The following SLC38A11 variants were observed in gnomAD, a reference collection of about 807,000 sequenced individuals.
SLC38A11 encodes the protein putative sodium-coupled neutral amino acid transporter 11.
SLC38A11 carries 51 observed loss-of-function variants against 49.4 expected under a neutral mutation model. The observed-to-expected ratio is 1.03, with a 90% CI of 0.83 to 1.30. The LOEUF (loss-of-function observed/expected upper bound fraction) is 1.30. Ranked by LOEUF, SLC38A11 falls within the 50% of genes most tolerant of loss-of-function variation. SLC38A11 has a pLI of 0.00. For missense variants in SLC38A11, 574 were observed against 556.2 expected (o/e 1.03, Z -0.32); for synonymous variants, 203 against 192.9 (o/e 1.05, Z -0.43).
intron 3 of SLC38A11, among the ~76,000 whole-genome samples, chr2:164,951,373 A>G (rs929113278): frequency 6.6e-6 from 1 of 151,582 alleles, no homozygotes; most frequent in Non-Finnish European, 1.5e-5. Flanking sequence ...TTTTTTTTTT[A>G]GTGTAATAAA....
chr2:164,917,398 AG>A (rs1343328698), intron 7 of SLC38A11, among the ~76,000 whole-genome samples: 1 of 152,166 alleles, frequency 6.6e-6, no homozygotes, highest in Non-Finnish European at 1.5e-5. Flanking sequence ...ACAGACACAA[AG>A]AAACTTCACA....
At chr2:164,913,902 T>C (rs908508269) in intron 9 of SLC38A11, among the ~76,000 whole-genome samples, 1 of 152,080 alleles carries the variant, frequency 6.6e-6, no homozygotes, top group African/African-American at 2.4e-5. Context: ...AAGCCATCTT[T>C]CTTCATTTCT....
chr2:164,915,055 C>T (rs552129995), intron 9 of SLC38A11, 57 bp downstream of exon 9: 4 of 1,442,506 alleles, frequency 2.8e-6, no homozygotes, highest in East Asian at 4.8e-5. Flanking sequence ...ATGAGTAGAA[C>T]ATTCGGTATA....
chr2:164,955,212 C>A lies in SLC38A11; in HGVS notation c.36G>T (p.Pro12=). The change falls in exon 1 of 12, where the codon CCG becomes CCT. Residue 12 remains proline (P), a synonymous_variant. Transcript: ENST00000685975. ...GYQRQEPVIP[P]QRDLDDRETL... Reference sequence around the variant, plus strand: ...CCTGCCTAGTCGCTAGTTTTACCTGCGGCGGGATGACAGGCTCCTGCCTCT... The same window carrying A: ...CCTGCCTAGTCGCTAGTTTTACCTGAGGCGGGATGACAGGCTCCTGCCTCT... The A allele has an allele frequency of 6.4e-7, 1 of 1,550,520 alleles. No individual in the cohort carries two copies. Among genetic ancestry groups the A allele is most frequent in the Non-Finnish European group, 8.7e-7 (1 of 1,146,948 alleles).
chr2:164,907,649 C>A (rs191781045), intron 11 of SLC38A11, among the ~76,000 whole-genome samples: 1 of 152,190 alleles, frequency 6.6e-6, no homozygotes, highest in African/African-American at 2.4e-5. Flanking sequence ...TGCATTCATC[C>A]TTATATTCTA....
chr2:164,936,122 A>G (rs1034602980), intron 7 of SLC38A11, among the ~76,000 whole-genome samples: 1 of 152,228 alleles, frequency 6.6e-6, no homozygotes, highest in Non-Finnish European at 1.5e-5. Context: ...GTGAATCAGG[A>G]TTAAATTATT....
chr2:164,937,466 A>G, intron 6 of SLC38A11, 37 bp from the exon 7 acceptor site: 1 of 1,257,802 alleles, frequency 8.0e-7, no homozygotes, highest in Non-Finnish European at 1.2e-6. Context: ...CCGGTTTAGG[A>G]CAGAAATTAT....
chr2:164,943,353 C>A (rs1298407702), intron 5 of SLC38A11, among the ~76,000 whole-genome samples: 1 of 152,178 alleles, frequency 6.6e-6, no homozygotes, highest in East Asian at 1.9e-4. Context: ...TGTCCCTGAA[C>A]TGGGTGATAG....
intron 5 of SLC38A11, among the ~76,000 whole-genome samples, 198 bp from the exon 6 acceptor site, chr2:164,939,754 A>G (rs1687625230): frequency 6.6e-6 from 1 of 152,060 alleles, no homozygotes; most frequent in South Asian, 2.1e-4. Context: ...AAAAAATTTC[A>G]GGATGACTTA....
Position 164,944,601 on chromosome 2 carries a change from G to C in SLC38A11, c.398C>G (p.Thr133Ser). 1 of 1,344,666 alleles carries C rather than the reference G, an allele frequency of 7.4e-7. No homozygotes were observed. The highest frequency in any genetic ancestry group is 9.6e-7 in the Non-Finnish European group (1 of 1,036,300). The allele number at this position is 1,344,666 out of a possible 1,614,324, so 83.3% of individuals were successfully genotyped here. A position where few individuals can be genotyped will look rare whatever the true frequency, so the allele number is the denominator to read the frequency against. Reference sequence around the variant, plus strand: ...GATTCTTTGAAAAACTTTGCTCAAAGTATCTCCAGCTATTATATTGTAACT... The same window carrying C: ...GATTCTTTGAAAAACTTTGCTCAAACTATCTCCAGCTATTATATTGTAACT... ...MISYNIIAGD[T>S]LSKVFQRIPG... is the part of the protein sequence containing the mutation. The change falls in exon 5 of 12, where the codon ACT (threonine) becomes AGT (serine). Residue 133 changes from threonine (T) to serine (S), a missense_variant. Physicochemically the swap from Thr to Ser is moderately conservative, Grantham distance 58. Coordinates refer to ENST00000685975, the MANE Select transcript of SLC38A11 (RefSeq NM_001351537.2).
In SLC38A11 at chr2:164,954,833, T is replaced by A. The variant is rs76019343; in HGVS notation, c.40-88A>T. 2,642 of 584,046 alleles carry A rather than the reference T, an allele frequency of 4.5e-3. 114 individuals are homozygous for A. The East Asian group carries it at 0.069, about 15-fold the overall frequency. 36.2% of individuals were successfully genotyped at this position (584,046 alleles called of 1,614,324 possible). A position where few individuals can be genotyped will look rare whatever the true frequency, so the allele number is the denominator to read the frequency against. ...ATGTAATGCAGGATACTAACACGAT[T>A]TTCTAGTAATAATAAGTAATGTCAC... On this transcript the variant is annotated intron_variant, in intron 1 of 11. Transcript: ENST00000685975.
chr2:164,950,855 C>T (rs1337011686), intron 3 of SLC38A11, among the ~76,000 whole-genome samples: 1 of 151,912 alleles, frequency 6.6e-6, no homozygotes, highest in East Asian at 1.9e-4. Context: ...AATTATAGCT[C>T]CAATCTAAAG....
At chr2:164,899,308 AC>A (rs1484717214) in intron 11 of SLC38A11, among the ~76,000 whole-genome samples, 1 of 152,162 alleles carries the variant, frequency 6.6e-6, no homozygotes, top group African/African-American at 2.4e-5. Flanking sequence ...AAAAGTAAGC[AC>A]ATTAATTACT....
chr2:164,948,305 A>G (rs1480510690), intron 3 of SLC38A11, among the ~76,000 whole-genome samples: 1 of 152,228 alleles, frequency 6.6e-6, no homozygotes, highest in African/African-American at 2.4e-5. Flanking sequence ...GATAATAATG[A>G]TAACAACCAC....
Position 164,898,135 on chromosome 2 carries a change from T to A in SLC38A11, c.*302A>T. ...CACCTACTTATTTTGGAGCACAATATACTGGTTTGCATATTAAATAAAAGG... is the reference window on the plus strand; with the variant it reads ...CACCTACTTATTTTGGAGCACAATAAACTGGTTTGCATATTAAATAAAAGG... On this transcript the variant is annotated 3_prime_UTR_variant, in exon 12 of 12. Coordinates refer to ENST00000685975, the MANE Select transcript of SLC38A11 (RefSeq NM_001351537.2). 6.2e-6 allele frequency: 1 copy of A among 162,522 alleles called. No individual in the cohort carries two copies. The highest frequency in any genetic ancestry group is 1.2e-5 in the Non-Finnish European group (1 of 83,570). The allele number at this position is 162,522 out of a possible 1,614,324, so 10.1% of individuals were successfully genotyped here. A position where few individuals can be genotyped will look rare whatever the true frequency, so the allele number is the denominator to read the frequency against.
chr2:164,921,496 A>ATT (rs34326594), intron 7 of SLC38A11, among the ~76,000 whole-genome samples: 7 of 142,990 alleles, frequency 4.9e-5, no homozygotes, highest in Admixed American at 1.4e-4. Context: ...TATATTTTTA[A>ATT]TTTTTTTTTT....
At chr2:164,911,505 G>C (rs888226967) in intron 10 of SLC38A11, 131 bp downstream of exon 10, 13 of 433,994 alleles carry the variant, frequency 3.0e-5, no homozygotes, top group Non-Finnish European at 4.6e-5. Context: ...AGTCAAAAAA[G>C]AAAATTTTAC....
At chr2:164,927,080 G>T (rs560944346) in intron 7 of SLC38A11, among the ~76,000 whole-genome samples, 9 of 152,284 alleles carry the variant, frequency 5.9e-5, no homozygotes, top group African/African-American at 1.9e-4. Flanking sequence ...AGCCCTTATA[G>T]ATGAGATTAG....
intron 2 of SLC38A11, among the ~76,000 whole-genome samples, chr2:164,953,886 A>G (rs1420585128): frequency 6.6e-6 from 1 of 152,138 alleles, no homozygotes; most frequent in Non-Finnish European, 1.5e-5. Context: ...CAGATACCAA[A>G]AAGAATAATA....
Sources: allele counts gnomAD v4.1 joint callset (sites outside exome capture counted in the v4.1 genomes callset), GRCh38; gene constraint gnomAD v4.1.1; transcripts MANE v1.5; gene names NCBI Gene and HGNC (gene_info 2026-07-23, HGNC 2026-07-21).